MAMDC2: variants seen among roughly 807,000 people sequenced by gnomAD.
MAMDC2 encodes MAM domain containing 2, also known as MAM domain-containing protein 2.
MAMDC2 carries 57 observed loss-of-function variants against 89.8 expected under a neutral mutation model. The observed-to-expected ratio is 0.63, with a 90% CI of 0.51 to 0.79. MAMDC2 has a LOEUF of 0.79. MAMDC2 is among the 30% of genes least tolerant of loss of function. The pLI is 0.00. For missense variants in MAMDC2, 800 were observed against 820.6 expected (o/e 0.97, Z 0.31); for synonymous variants, 313 against 293.4 (o/e 1.07, Z -0.68).
rs372766741 is a variant in MAMDC2, at chr9:70,170,645, C to T, written c.1651+14C>T. On this transcript the variant is annotated intron_variant, in intron 11 of 13. Transcript: ENST00000377182. Reference sequence around the variant, plus strand: ...CTACTGGGGTAGGTGAGTTATGCCACGTGGTGCTGTTTCCTAAGGAAAGCT... The same window carrying T: ...CTACTGGGGTAGGTGAGTTATGCCATGTGGTGCTGTTTCCTAAGGAAAGCT... 24 of 1,565,026 alleles carry T rather than the reference C, an allele frequency of 1.5e-5. No homozygotes were observed. In the African/African-American group the frequency reaches 1.9e-4, roughly 13 times the overall value.
chr9:70,093,049 C>T (rs763583023), intron 2 of MAMDC2, among the ~76,000 whole-genome samples: 2 of 151,736 alleles, frequency 1.3e-5, no homozygotes, highest in Non-Finnish European at 2.9e-5. Context: ...GTATGTGTAC[C>T]CATACATACA....
intron 11 of MAMDC2, among the ~76,000 whole-genome samples, chr9:70,184,109 G>A (rs1257976979): frequency 6.6e-6 from 1 of 152,170 alleles, no homozygotes; most frequent in Non-Finnish European, 1.5e-5. Context: ...TTGCTTGTCT[G>A]TAAAGGATTT....
chr9:70,194,838 A>T (rs897223288), intron 11 of MAMDC2, among the ~76,000 whole-genome samples: 1 of 152,258 alleles, frequency 6.6e-6, no homozygotes, highest in South Asian at 2.1e-4. Context: ...ATTATGACAT[A>T]TGAGTACAAG....
Position 70,044,257 on chromosome 9 carries a change from C to G in MAMDC2, c.34+26C>G, listed in dbSNP as rs760249743. 8.1e-6 allele frequency: 13 copies of G among 1,610,394 alleles called. No individual in the cohort carries two copies. In the South Asian group the frequency reaches 1.2e-4, roughly 15 times the overall value. The stretch of plus-strand genomic sequence containing the variant: ...GTAAGGCCTGGACCCCGGGACAACC[C>G]CGGGGGCGCTCTGACGACTCGCCCC... On this transcript the variant is annotated intron_variant, in intron 1 of 13. Transcript: ENST00000377182.
chr9:70,086,964 C>G (rs1362458328), intron 2 of MAMDC2: 1 of 152,116 alleles, frequency 6.6e-6, no homozygotes, highest in South Asian at 2.1e-4. Flanking sequence ...TACCCTCTCG[C>G]TGCTACAGAG....
intron 2 of MAMDC2, among the ~76,000 whole-genome samples, chr9:70,054,894 T>C (rs73650508): frequency 0.015 from 2,348 of 152,190 alleles, 65 homozygotes; most frequent in African/African-American, 0.054. Flanking sequence ...GTAATTATGA[T>C]GTGCCCTGGA....
At chr9:70,045,254 T>C (rs1009194400) in intron 2 of MAMDC2, among the ~76,000 whole-genome samples, 5 of 152,204 alleles carry the variant, frequency 3.3e-5, no homozygotes, top group African/African-American at 9.6e-5. Context: ...AAAGAAACCA[T>C]GTACACTGCC....
At chr9:70,211,631 CAA>C (rs200589833) in intron 11 of MAMDC2, among the ~76,000 whole-genome samples, 10,484 of 152,256 alleles carry the variant, frequency 0.069, 572 homozygotes, top group East Asian at 0.22. Flanking sequence ...CTCAACTCGT[CAA>C]AGTCATTCTC....
intron 11 of MAMDC2, among the ~76,000 whole-genome samples, chr9:70,210,886 T>C (rs2033341568): frequency 6.6e-6 from 1 of 152,240 alleles, no homozygotes; most frequent in Admixed American, 6.5e-5. Flanking sequence ...CCTTCACTTA[T>C]GAAGCTTAGT....
chr9:70,096,193 T>A (rs1434133967), intron 2 of MAMDC2, among the ~76,000 whole-genome samples: 4 of 152,002 alleles, frequency 2.6e-5, no homozygotes, highest in South Asian at 2.1e-4. Flanking sequence ...AATTTTTCTA[T>A]GTACTGTAGA....
intron 1 of MAMDC2, 127 bp from the exon 2 acceptor site, chr9:70,044,457 C>T: frequency 1.2e-6 from 1 of 849,842 alleles, no homozygotes; most frequent in Non-Finnish European, 1.9e-6. Context: ...ACAGGTACTG[C>T]ATCCCTCTCC....
At chr9:70,206,635 T>C (rs1472353449) in intron 11 of MAMDC2, among the ~76,000 whole-genome samples, 1 of 151,490 alleles carries the variant, frequency 6.6e-6, no homozygotes, top group Non-Finnish European at 1.5e-5. Flanking sequence ...ATATCTTTTT[T>C]TATTATTATT....
intron 2 of MAMDC2, among the ~76,000 whole-genome samples, chr9:70,054,585 T>G (rs1826985093): frequency 1.3e-5 from 2 of 152,130 alleles, no homozygotes; most frequent in Admixed American, 1.3e-4. Flanking sequence ...TTTTATTTTT[T>G]TTTTCGTTTT....
intron 2 of MAMDC2, among the ~76,000 whole-genome samples, chr9:70,052,868 T>C (rs1001311453): frequency 1.2e-4 from 19 of 152,244 alleles, no homozygotes; most frequent in African/African-American, 4.6e-4. Flanking sequence ...TATTACAGCT[T>C]GTCTCACCAG....
intron 11 of MAMDC2, among the ~76,000 whole-genome samples, chr9:70,187,028 A>G (rs1413394995): frequency 6.6e-6 from 1 of 152,092 alleles, no homozygotes; most frequent in Non-Finnish European, 1.5e-5. Flanking sequence ...ATTTCAGAGG[A>G]CAAATATCCA....
At chr9:70,133,981 C>G (rs2030908941) in intron 7 of MAMDC2, among the ~76,000 whole-genome samples, 1 of 152,122 alleles carries the variant, frequency 6.6e-6, no homozygotes, top group South Asian at 2.1e-4. Flanking sequence ...GAAGCTGAGC[C>G]TTTTAATTTT....
intron 2 of MAMDC2, among the ~76,000 whole-genome samples, chr9:70,045,514 G>GTACCCTAGTTTTT (rs1826726497): frequency 6.6e-6 from 1 of 152,052 alleles, no homozygotes; most frequent in African/African-American, 2.4e-5. Flanking sequence ...ATTTGGATTG[G>GTACCCTAGTTTTT]AAAATAGCCT....
At chr9:70,202,382 C>A (rs2033119171) in intron 11 of MAMDC2, among the ~76,000 whole-genome samples, 1 of 151,974 alleles carries the variant, frequency 6.6e-6, no homozygotes, top group African/African-American at 2.4e-5. Context: ...GATTCTTAAT[C>A]CTGAGTTCTA....
At chr9:70,124,914 T>C (rs1007065576) in intron 5 of MAMDC2, among the ~76,000 whole-genome samples, 2 of 152,200 alleles carry the variant, frequency 1.3e-5, no homozygotes, top group Admixed American at 1.3e-4. Context: ...TCTCACTATG[T>C]TGCCCAGGCT....
Sources: gnomAD v4.1 joint callset for allele counts (sites outside exome capture counted in the v4.1 genomes callset) on GRCh38, gnomAD v4.1.1 for gene constraint, MANE v1.5 for transcripts, NCBI Gene and HGNC (gene_info 2026-07-23, HGNC 2026-07-21) for gene names.